Variants in CDC42BPA observed in about 807,000 individuals in gnomAD.
CDC42BPA encodes CDC42 binding protein kinase alpha, also known as serine/threonine-protein kinase MRCK alpha.
In CDC42BPA, 80 loss-of-function variants were observed where a neutral mutation model predicts 223.5. The observed-to-expected ratio is 0.36, with a 90% CI of 0.30 to 0.43. The LOEUF is 0.43. Among genes scored for constraint, CDC42BPA ranks in the 20% least tolerant of loss-of-function variants. The probability of loss-of-function intolerance (pLI) is 1.00; values close to 1 mark genes in which losing one functional copy is unlikely to be tolerated. For missense variants in CDC42BPA, 1,743 were observed against 2,099.9 expected, an observed-to-expected ratio of 0.83 and a Z score of 3.32; for synonymous variants, 694 against 718.6, an observed-to-expected ratio of 0.97 and a Z score of 0.55.
At chr1:227,282,085 A>AG (rs1171632853) in intron 1 of CDC42BPA, among the ~76,000 whole-genome samples, 1 of 149,738 alleles carries the variant, frequency 6.7e-6, no homozygotes, top group African/African-American at 2.5e-5. Context: ...GCTACTTGGG[A>AG]GCTGAGGCAG....
Position 227,074,362 on chromosome 1 carries a change from A to C in CDC42BPA, c.2483T>G (p.Val828Gly), listed in dbSNP as rs1457154832. Residue 828 changes from valine to glycine, a missense_variant and splice_region_variant, in exon 18 of 37, where the codon GTC becomes GGC. Physicochemically the swap from Val to Gly is moderately radical, Grantham distance 109. Coordinates refer to ENST00000366766, the MANE Select transcript of CDC42BPA (RefSeq NM_001394014.1). Reference sequence around the variant, plus strand: ...CCCTCGTGCATCCTTTTCATCGCTGACCCTAGAATATATAAAGACAAAGTA... The same window carrying C: ...CCCTCGTGCATCCTTTTCATCGCTGCCCCTAGAATATATAAAGACAAAGTA... Reference protein sequence around the residue: ...EAQITEIIQWVSDEKDARGYL... With the variant: ...EAQITEIIQWGSDEKDARGYL... 1 of 1,606,236 alleles carries C rather than the reference A, an allele frequency of 6.2e-7. No individual in the cohort carries two copies. Among genetic ancestry groups the C allele is most frequent in the Non-Finnish European group, 8.5e-7 (1 of 1,175,436 alleles).
At chr1:227,004,319 G>A (rs1663559767) in intron 35 of CDC42BPA, 1 of 152,276 alleles carries the variant, frequency 6.6e-6, no homozygotes, top group Non-Finnish European at 1.5e-5. Flanking sequence ...GCCCTCATTG[G>A]TTTCCATTGG....
At chr1:227,072,404 A>G (rs758797344) in intron 19 of CDC42BPA, 105 bp from the exon 20 acceptor site, 24 of 640,400 alleles carry the variant, frequency 3.7e-5, no homozygotes, top group Non-Finnish European at 6.4e-5. Flanking sequence ...CAGGCATGGT[A>G]AATTAGGGGA....
intron 11 of CDC42BPA, among the ~76,000 whole-genome samples, chr1:227,126,627 T>C (rs927516993): frequency 1.3e-5 from 2 of 152,194 alleles, no homozygotes; most frequent in Non-Finnish European, 2.9e-5. Flanking sequence ...TTCAGCAATA[T>C]ATAAAAATAA....
intron 1 of CDC42BPA, among the ~76,000 whole-genome samples, chr1:227,278,899 C>A (rs930093791): frequency 6.6e-6 from 1 of 151,998 alleles, no homozygotes. Context: ...TTTAAATTAG[C>A]CCAATATGAA....
At chr1:227,251,016 G>A (rs1681908596) in intron 2 of CDC42BPA, among the ~76,000 whole-genome samples, 1 of 152,098 alleles carries the variant, frequency 6.6e-6, no homozygotes, top group Non-Finnish European at 1.5e-5. Flanking sequence ...TCACACCACT[G>A]CACTGCAGCC....
At chr1:227,188,200 T>C (rs1159604836) in intron 5 of CDC42BPA, among the ~76,000 whole-genome samples, 2 of 152,164 alleles carry the variant, frequency 1.3e-5, no homozygotes, top group Admixed American at 6.5e-5. Flanking sequence ...TTATTACTTA[T>C]GCATGAAATA....
At position 227,119,929 on chromosome 1, in the gene CDC42BPA, G is replaced by A; in HGVS notation, c.1522C>T (p.His508Tyr). Residue 508 changes from histidine (H) to tyrosine (Y), a missense_variant, in exon 12 of 37, where the codon CAT (histidine) becomes TAT (tyrosine). By Grantham distance (83) the His-to-Tyr change is moderately conservative (BLOSUM62 2). Transcript: ENST00000366766. ...GCTTCTTCAAGTTGCTGTTCCAAAT[G>A]ACTTGATTCTAAAAACAAAAGACAA... is the stretch of plus-strand genomic sequence containing the variant. Reference protein sequence around the residue: ...KLRKQVTESSHLEQQLEEANA... With the variant: ...KLRKQVTESSYLEQQLEEANA... 6.3e-7 allele frequency: 1 copy of A among 1,585,398 alleles called. No homozygotes were observed. Among genetic ancestry groups the A allele is most frequent in the Non-Finnish European group, 8.6e-7 (1 of 1,169,320 alleles).
In CDC42BPA at chr1:227,272,800, TA is replaced by T. The variant is rs1558923441; in HGVS notation, c.179-18646del. ...TAAACCAAGAGTATAATGAACAGAA[TA>T]ATTATTTTTTTAATGAAGTATATCA... On this transcript the variant is annotated intron_variant, in intron 1 of 36. Transcript: ENST00000366766. Among the ~76,000 whole-genome samples, 624 of 136,962 alleles carry T rather than the reference TA, an allele frequency of 4.6e-3. 6 individuals carry two copies. Among genetic ancestry groups the T allele is most frequent in the African/African-American group, 0.017 (605 of 36,600 alleles). 89.9% of individuals were successfully genotyped at this position (136,962 alleles called of 152,430 possible). A position where few individuals can be genotyped will look rare whatever the true frequency, so the allele number is the denominator to read the frequency against.
rs1329763799 is a variant in CDC42BPA at position 227,029,166 on chromosome 1, C to T, written c.3923G>A (p.Arg1308Gln). The T allele has an allele frequency of 3.1e-6, 5 of 1,603,764 alleles. No homozygotes were observed. The highest frequency in any genetic ancestry group is 2.2e-5 in the East Asian group (1 of 44,892). The change falls in exon 30 of 37, where the codon CGA (arginine) becomes CAA (glutamine). Residue 1308 changes from arginine to glutamine, a missense_variant. Around this residue, in one of 6 missense-constraint regions of CDC42BPA, gnomAD observed 678 missense variants for 777.5 expected, o/e 0.87. Coordinates refer to ENST00000366766, the MANE Select transcript of CDC42BPA (RefSeq NM_001394014.1). ...NDQLVAVISG[R>Q]NRHVRLFPMS... ...AGGAAAAAGTCGTACATGACGATTT[C>T]GTCCTGAGATCACAGCAACAAGCTG...
chr1:227,217,423 G>A (rs1675054635), intron 2 of CDC42BPA, among the ~76,000 whole-genome samples: 1 of 150,730 alleles, frequency 6.6e-6, no homozygotes, highest in Admixed American at 6.6e-5. Context: ...TTCAGCCCGG[G>A]CTGAAGTGAG....
chr1:227,112,488 C>A, intron 13 of CDC42BPA, 66 bp from the exon 14 acceptor site: 1 of 1,231,346 alleles, frequency 8.1e-7, no homozygotes, highest in Non-Finnish European at 1.1e-6. Context: ...AACATTTATC[C>A]CAATGAGAAT....
intron 11 of CDC42BPA, among the ~76,000 whole-genome samples, chr1:227,123,593 G>C (rs527304431): frequency 6.6e-6 from 1 of 152,240 alleles, no homozygotes; most frequent in East Asian, 1.9e-4. Context: ...TATAGGAATT[G>C]AGGTCAAAAA....
At chr1:227,242,605 A>C (rs1242045115) in intron 2 of CDC42BPA, among the ~76,000 whole-genome samples, 2 of 152,172 alleles carry the variant, frequency 1.3e-5, no homozygotes, top group African/African-American at 4.8e-5. Flanking sequence ...CCACAGCAAG[A>C]AAATAAAAAA....
intron 34 of CDC42BPA, among the ~76,000 whole-genome samples, chr1:227,011,540 T>C (rs1251827107): frequency 6.6e-6 from 1 of 152,184 alleles, no homozygotes; most frequent in Non-Finnish European, 1.5e-5. Context: ...ATGTGTTTGT[T>C]TTTACTGATT....
At chr1:227,261,888 G>A (rs542708139) in intron 1 of CDC42BPA, among the ~76,000 whole-genome samples, 4 of 152,098 alleles carry the variant, frequency 2.6e-5, no homozygotes, top group Admixed American at 6.5e-5. Flanking sequence ...GAAAACATGA[G>A]GGTTTGGAGT....
At chr1:227,158,014 A>G (rs1663138317) in intron 6 of CDC42BPA, among the ~76,000 whole-genome samples, 1 of 150,414 alleles carries the variant, frequency 6.6e-6, no homozygotes, top group African/African-American at 2.4e-5. Context: ...CTGGAGTGCA[A>G]TGACACCATC....
At chr1:227,258,970 T>C (rs549835086) in intron 1 of CDC42BPA, among the ~76,000 whole-genome samples, 1 of 151,276 alleles carries the variant, frequency 6.6e-6, no homozygotes, top group African/African-American at 2.5e-5. Context: ...ATCAGATCTG[T>C]TGCGCTGGTA....
chr1:227,159,849 G>C (rs1663544660), intron 6 of CDC42BPA, among the ~76,000 whole-genome samples: 1 of 151,710 alleles, frequency 6.6e-6, no homozygotes, highest in African/African-American at 2.4e-5. Context: ...TGGCTCTGGG[G>C]GAGTGAGGGG....
Sources: allele counts gnomAD v4.1 joint callset (sites outside exome capture counted in the v4.1 genomes callset), GRCh38; gene constraint gnomAD v4.1.1; regional missense constraint gnomAD v4.1.1; transcripts MANE v1.5; gene names NCBI Gene and HGNC (gene_info 2026-07-23, HGNC 2026-07-21).